The following SGCD variants were observed in gnomAD, a reference collection of about 807,000 sequenced individuals.
The protein encoded by SGCD is sarcoglycan delta, also known as delta-sarcoglycan.
A neutral mutation model predicts 36.6 loss-of-function variants in SGCD; 18 were observed. The ratio of observed to expected loss-of-function variants is 0.49; its 90% CI spans 0.34 to 0.73. The LOEUF is 0.73. SGCD is among the 30% of genes least tolerant of loss of function. The pLI, the probability that SGCD is intolerant of heterozygous loss-of-function variation, is 0.01. For missense variants in SGCD, 387 were observed against 346.7 expected (o/e 1.12, Z -0.92); for synonymous variants, 133 against 130.6 (o/e 1.02, Z -0.12).
chr5:156,184,312 A>G (rs776766918), intron 3 of SGCD, among the ~76,000 whole-genome samples: 14 of 152,116 alleles, frequency 9.2e-5, no homozygotes, highest in Non-Finnish European at 1.6e-4. Flanking sequence ...GCCACAACTA[A>G]AAGAACTGAA....
chr5:156,228,988 G>A (rs369982243), intron 3 of SGCD, among the ~76,000 whole-genome samples: 28 of 151,626 alleles, frequency 1.8e-4, no homozygotes, highest in Middle Eastern at 6.8e-3. Flanking sequence ...AGTAGGCACA[G>A]TCTAATCAGC....
At chr5:156,217,114 A>G (rs1488984966) in intron 3 of SGCD, among the ~76,000 whole-genome samples, 1 of 152,140 alleles carries the variant, frequency 6.6e-6, no homozygotes, top group South Asian at 2.1e-4. Flanking sequence ...AGAAAGAAAG[A>G]AAATGAATGT....
At chr5:155,912,762 T>C (rs550870752) in intron 1 of SGCD, among the ~76,000 whole-genome samples, 1 of 152,098 alleles carries the variant, frequency 6.6e-6, no homozygotes, top group African/African-American at 2.4e-5. Context: ...TCTCTTCTCT[T>C]TCTTTCTTTC....
chr5:156,750,208 T>C (rs1757100985), intron 7 of SGCD, among the ~76,000 whole-genome samples: 1 of 152,080 alleles, frequency 6.6e-6, no homozygotes, highest in Non-Finnish European at 1.5e-5. Flanking sequence ...AGAACTATCT[T>C]ATTAAAAGGC....
intron 6 of SGCD, among the ~76,000 whole-genome samples, chr5:156,609,112 A>G (rs11957592): frequency 0.052 from 7,832 of 151,390 alleles, 663 homozygotes; most frequent in African/African-American, 0.18. Context: ...TATTTTGCTC[A>G]TTAGTTGATG....
At chr5:156,078,510 CA>C (rs60477201) in intron 1 of SGCD, among the ~76,000 whole-genome samples, 209 of 100,700 alleles carry the variant, frequency 2.1e-3, no homozygotes, top group Admixed American at 5.8e-3. Flanking sequence ...AAGACTGTCT[CA>C]AAAAAAAAAA....
intron 3 of SGCD, among the ~76,000 whole-genome samples, chr5:156,206,368 T>G (rs943676409): frequency 6.6e-6 from 1 of 152,026 alleles, no homozygotes; most frequent in Non-Finnish European, 1.5e-5. Context: ...TTTTTTTGGA[T>G]AAAACACTAG....
intron 3 of SGCD, among the ~76,000 whole-genome samples, chr5:156,355,507 A>T (rs989307094): frequency 1.3e-5 from 2 of 151,542 alleles, no homozygotes; most frequent in Non-Finnish European, 2.9e-5. Context: ...TGGGAGGAGC[A>T]AGGTGGACTT....
intron 7 of SGCD, among the ~76,000 whole-genome samples, chr5:156,737,767 G>C (rs1160776725): frequency 2.6e-5 from 4 of 152,148 alleles, no homozygotes; most frequent in Non-Finnish European, 5.9e-5. Flanking sequence ...TAATCTTCCA[G>C]AATCTATTTG....
At chr5:155,812,372 C>T in the SGCD span, among the ~76,000 whole-genome samples, 1 of 152,332 alleles carries the variant, frequency 6.6e-6, no homozygotes, top group African/African-American at 2.4e-5. Flanking sequence ...GAGGGAAGCA[C>T]ATCACGCGCT....
Position 156,423,349 on chromosome 5 carries a change from A to AATATAATAT in SGCD, c.192+78674_192+78675insATAATATAT, listed in dbSNP as rs1561685774. On this transcript the variant is annotated intron_variant, in intron 3 of 8. Coordinates refer to ENST00000337851, the MANE Select transcript of SGCD (RefSeq NM_000337.6). ...ATTTTATTATAATATAATATATTATAATTTTATTATAATATATTATATTTT... is the reference window on the plus strand; with the variant it reads ...ATTTTATTATAATATAATATATTATAATATAATATATTTTATTATAATATATTATATTTT... 2.7e-3 allele frequency among the ~76,000 whole-genome samples: 41 copies of AATATAATAT among 15,042 alleles called. 4 individuals are homozygous for AATATAATAT. The highest frequency in any genetic ancestry group is 7.2e-3 in the East Asian group (4 of 556). 9.9% of individuals were successfully genotyped at this position (15,042 alleles called of 152,430 possible).
At chr5:155,885,343 T>C (rs1373926454) in intron 1 of SGCD, among the ~76,000 whole-genome samples, 1 of 115,980 alleles carries the variant, frequency 8.6e-6, no homozygotes, top group Non-Finnish European at 1.7e-5. Flanking sequence ...AGCATAAAAA[T>C]ATCAAGTGTT....
chr5:156,570,225 T>A (rs1759663093), intron 4 of SGCD, among the ~76,000 whole-genome samples: 1 of 152,230 alleles, frequency 6.6e-6, no homozygotes, highest in Non-Finnish European at 1.5e-5. Context: ...GCACTGTTGT[T>A]TGGCATTTCT....
intron 7 of SGCD, among the ~76,000 whole-genome samples, chr5:156,734,644 G>C (rs559213096): frequency 8.5e-5 from 13 of 152,088 alleles, no homozygotes; most frequent in African/African-American, 2.7e-4. Flanking sequence ...CCTCTGCTTG[G>C]TCTTTTCTGC....
At chr5:155,770,258 A>G in the SGCD span, among the ~76,000 whole-genome samples, 6,747 of 151,754 alleles carry the variant, frequency 0.044, 322 homozygotes, top group African/African-American at 0.12. Flanking sequence ...AATAATAGCA[A>G]TGATAGGGTG....
intron 3 of SGCD, among the ~76,000 whole-genome samples, chr5:156,311,211 C>T (rs1767381043): frequency 6.6e-6 from 1 of 152,160 alleles, no homozygotes; most frequent in African/African-American, 2.4e-5. Context: ...TATTTTACCA[C>T]TCCCTGCTTG....
chr5:155,943,178 A>G (rs1016443452), intron 1 of SGCD, among the ~76,000 whole-genome samples: 3 of 152,198 alleles, frequency 2.0e-5, no homozygotes, highest in African/African-American at 7.2e-5. Flanking sequence ...AATATATTTA[A>G]TTAATCTAAG....
At chr5:156,085,252 T>A (rs1394957051) in intron 1 of SGCD, among the ~76,000 whole-genome samples, 2 of 152,136 alleles carry the variant, frequency 1.3e-5, no homozygotes, top group African/African-American at 4.8e-5. Flanking sequence ...ATGTGTCCCC[T>A]CTAAATCTCA....
At chr5:155,779,022 C>T in the SGCD span, among the ~76,000 whole-genome samples, 2 of 152,106 alleles carry the variant, frequency 1.3e-5, no homozygotes, top group African/African-American at 4.8e-5. Flanking sequence ...AATTGTATTG[C>T]CATCTCTGTT....
Sources: allele counts gnomAD v4.1 joint callset (sites outside exome capture counted in the v4.1 genomes callset), GRCh38; gene constraint gnomAD v4.1.1; transcripts MANE v1.5; gene names NCBI Gene and HGNC (gene_info 2026-07-23, HGNC 2026-07-21).